PFKFB3: variants seen among roughly 807,000 people sequenced by gnomAD.
PFKFB3 encodes the protein 6-phosphofructo-2-kinase/fructose-2,6-biphosphatase 3, also known as 6-phosphofructo-2-kinase/fructose-2,6-bisphosphatase 3.
A neutral mutation model predicts 68.0 loss-of-function variants in PFKFB3; 33 were observed. That is an observed-to-expected ratio of 0.49 (90% CI 0.37 to 0.65). The LOEUF is 0.65. Ranked by LOEUF, PFKFB3 falls within the 30% of genes least tolerant of loss-of-function variation. The pLI is 0.00. For synonymous variants in PFKFB3, 315 were observed against 288.2 expected (o/e 1.09, Z -0.94); for missense variants, 586 against 712.2 (o/e 0.82, Z 2.02).
chr10:6,254,470 T>G (rs1406530149), exon 15 of PFKFB3: 13 of 397,856 alleles, frequency 3.3e-5, no homozygotes, highest in Non-Finnish European at 1.3e-5. Context: ...TCAGTGTCAG[T>G]TGTGTAAAAT....
chr10:6,303,482 A>G, the PFKFB3 span, among the ~76,000 whole-genome samples: 1 of 152,150 alleles, frequency 6.6e-6, no homozygotes, highest in Non-Finnish European at 1.5e-5. Flanking sequence ...AAAAATGACA[A>G]TCAATGCTGA....
intron 1 of PFKFB3, among the ~76,000 whole-genome samples, chr10:6,148,787 C>A (rs540384975): frequency 6.6e-6 from 1 of 152,228 alleles, no homozygotes; most frequent in East Asian, 1.9e-4. Context: ...CCTTAGAAAT[C>A]GAATAGATGG....
At chr10:6,185,308 C>G (rs1031679764) in intron 1 of PFKFB3, among the ~76,000 whole-genome samples, 1 of 152,218 alleles carries the variant, frequency 6.6e-6, no homozygotes, top group Non-Finnish European at 1.5e-5. Flanking sequence ...TGGGCCGTTC[C>G]GAGCTGGTTC....
the PFKFB3 span, among the ~76,000 whole-genome samples, chr10:6,320,058 T>TG: frequency 8.4e-3 from 1,272 of 151,782 alleles, 20 homozygotes; most frequent in African/African-American, 0.029. Context: ...AAAAATTAGC[T>TG]GGGGTGGTGG....
At position 6,220,955 on chromosome 10, in the gene PFKFB3, T is replaced by A; in HGVS notation, c.831+90T>A. ...GTGGGGAGCTGTGTGCTGCTGCTGC[T>A]GCTGCTGCTGCTGCTTGGTGTGCTT... On this transcript the variant is annotated intron_variant, in intron 8 of 14. Transcript: ENST00000379775. This position sits in a 1 kb window ranked among gnomAD's most constrained non-coding sequence, Gnocchi z 4.1. 3 of 1,174,382 alleles carry A rather than the reference T, an allele frequency of 2.6e-6. No homozygotes were observed. The highest frequency in any genetic ancestry group is 1.2e-5 in the South Asian group (1 of 81,524). The allele number at this position is 1,174,382 out of a possible 1,614,324, so 72.7% of individuals were successfully genotyped here. A position where few individuals can be genotyped will look rare whatever the true frequency, so the allele number is the denominator to read the frequency against.
chr10:6,218,409 ATTAT>A (rs5782883), intron 6 of PFKFB3, among the ~76,000 whole-genome samples: 109,224 of 143,046 alleles, frequency 0.76, 42,400 homozygotes, highest in Non-Finnish European at 0.84. Flanking sequence ...AATCATTTTT[ATTAT>A]TTATTTATTT....
chr10:6,270,989 C>T, the PFKFB3 span, among the ~76,000 whole-genome samples: 1 of 152,198 alleles, frequency 6.6e-6, no homozygotes, highest in Non-Finnish European at 1.5e-5. Flanking sequence ...TTTCCCAGTT[C>T]TTAAACTTGT....
chr10:6,189,525 T>G (rs927082258), intron 1 of PFKFB3, among the ~76,000 whole-genome samples: 1 of 150,960 alleles, frequency 6.6e-6, no homozygotes, highest in Non-Finnish European at 1.5e-5. Context: ...TTTTTTTTTT[T>G]TTTTTTTGGG....
At chr10:6,160,619 G>A (rs886960492) in intron 1 of PFKFB3, among the ~76,000 whole-genome samples, 1 of 150,572 alleles carries the variant, frequency 6.6e-6, no homozygotes, top group Admixed American at 6.7e-5. Flanking sequence ...TCAGGAGGCT[G>A]AGGCAGGAGA....
the PFKFB3 span, among the ~76,000 whole-genome samples, chr10:6,264,525 T>C: frequency 6.6e-6 from 1 of 152,226 alleles, no homozygotes; most frequent in Admixed American, 6.5e-5. Flanking sequence ...TTATGTCTTC[T>C]GTGTAGATGT....
rs1844916442 is a variant in PFKFB3 at position 6,220,979 on chromosome 10, T to C, written c.831+114T>C. 3 of 1,006,248 alleles carry C rather than the reference T, an allele frequency of 3.0e-6. No homozygotes were observed. The highest frequency in any genetic ancestry group is 2.1e-4 in the Middle Eastern group (1 of 4,820). 62.3% of individuals were successfully genotyped at this position (1,006,248 alleles called of 1,614,324 possible). A position where few individuals can be genotyped will look rare whatever the true frequency, so the allele number is the denominator to read the frequency against. The stretch of plus-strand genomic sequence containing the variant: ...CTGCTGCTGCTGCTGCTTGGTGTGC[T>C]TGCTGTGTGTGTTATCTGTGTGTGC... On this transcript the variant is annotated intron_variant, in intron 8 of 14. Coordinates refer to ENST00000379775, the MANE Select transcript of PFKFB3 (RefSeq NM_004566.4). The surrounding 1 kb of genome is among the most constrained non-coding windows in gnomAD (Gnocchi z 4.1).
At chr10:6,317,858 G>A in the PFKFB3 span, among the ~76,000 whole-genome samples, 2 of 152,158 alleles carry the variant, frequency 1.3e-5, no homozygotes, top group South Asian at 2.1e-4. Context: ...GACAGAAGAC[G>A]CAATTGTGCG....
chr10:6,178,059 G>A (rs1842583657), intron 1 of PFKFB3, among the ~76,000 whole-genome samples: 1 of 152,176 alleles, frequency 6.6e-6, no homozygotes, highest in South Asian at 2.1e-4. Flanking sequence ...AGTCAGGAGG[G>A]AGCCAAGGCG....
chr10:6,228,866 C>A lies in PFKFB3; in HGVS notation c.1515+2501C>A, dbSNP rs922663872. Reference sequence around the variant, plus strand: ...AGCCTCCATCTCTAACCCATGTGGTCACTTCTGCTCCTCCCAGAGCTCTCT... The same window carrying A: ...AGCCTCCATCTCTAACCCATGTGGTAACTTCTGCTCCTCCCAGAGCTCTCT... On this transcript the variant is annotated intron_variant, in intron 14 of 14. Coordinates refer to ENST00000379775, the MANE Select transcript of PFKFB3 (RefSeq NM_004566.4). The surrounding 1 kb of genome is among the most constrained non-coding windows in gnomAD (Gnocchi z 4.5). Among the ~76,000 whole-genome samples the A allele has an allele frequency of 6.6e-6, 1 of 152,158 alleles. No homozygotes were observed. Among genetic ancestry groups the A allele is most frequent in the African/African-American group, 2.4e-5 (1 of 41,440 alleles).
At chr10:6,196,942 T>G (rs1843194319) in intron 1 of PFKFB3, among the ~76,000 whole-genome samples, 1 of 151,972 alleles carries the variant, frequency 6.6e-6, no homozygotes, top group Non-Finnish European at 1.5e-5. Flanking sequence ...TGTACCTGGC[T>G]TGTTTTAATC....
At position 6,182,286 on chromosome 10, in the gene PFKFB3, G is replaced by A. The variant is rs534148566; in HGVS notation, c.17-31337G>A. ...CCCCCCAACATTCACACAGAAGCAC[G>A]CACACACACACCCCTTGAGGTCTAG... On this transcript the variant is annotated intron_variant, in intron 1 of 14. Coordinates refer to the PFKFB3 transcript ENST00000379789. Among the ~76,000 whole-genome samples, 5 of 151,834 alleles carry A rather than the reference G, an allele frequency of 3.3e-5. No homozygotes were observed. The East Asian group carries it at 9.7e-4, about 29-fold the overall frequency.
At chr10:6,173,676 G>A (rs1230677668) in intron 1 of PFKFB3, among the ~76,000 whole-genome samples, 1 of 152,018 alleles carries the variant, frequency 6.6e-6, no homozygotes, top group Non-Finnish European at 1.5e-5. Flanking sequence ...GATCTGGGGG[G>A]CTAGGTGCAG....
chr10:6,176,301 C>T (rs554897959), intron 1 of PFKFB3, among the ~76,000 whole-genome samples: 38 of 151,650 alleles, frequency 2.5e-4, no homozygotes, highest in African/African-American at 8.0e-4. Context: ...GGAGGGGGCA[C>T]GGGGGTTTCT....
intron 14 of PFKFB3, among the ~76,000 whole-genome samples, chr10:6,241,643 G>C (rs1846142003): frequency 6.6e-6 from 1 of 152,144 alleles, no homozygotes; most frequent in Admixed American, 6.6e-5. Flanking sequence ...ACCAGCCTGA[G>C]CAACATAGTG....
Sources: allele counts gnomAD v4.1 joint callset (sites outside exome capture counted in the v4.1 genomes callset), GRCh38; gene constraint gnomAD v4.1.1; non-coding constraint Gnocchi (gnomAD v3.1); transcripts MANE v1.5; gene names NCBI Gene and HGNC (gene_info 2026-07-23, HGNC 2026-07-21).